Variants in INTS13 observed in about 807,000 individuals in gnomAD.
INTS13 encodes asunder, spermatogenesis regulator homolog (Drosphila).
A neutral mutation model predicts 90.2 loss-of-function variants in INTS13; 35 were observed. The ratio of observed to expected loss-of-function variants is 0.39; its 90% CI spans 0.30 to 0.51. The LOEUF is 0.51. Ranked by LOEUF, INTS13 falls within the 20% of genes least tolerant of loss-of-function variation. INTS13 has a pLI of 0.80. For missense variants in INTS13, 601 were observed against 851.2 expected (o/e 0.71, Z 3.66); for synonymous variants, 309 against 277.1 (o/e 1.11, Z -1.14).
intron 14 of INTS13, among the ~76,000 whole-genome samples, chr12:26,912,983 G>A (rs1234470054): frequency 4.6e-5 from 7 of 151,874 alleles, no homozygotes; most frequent in Admixed American, 3.9e-4. Context: ...CACCCGCCTC[G>A]GCCTCCCAAA....
chr12:26,930,704 T>C (rs1938141593), intron 3 of INTS13, among the ~76,000 whole-genome samples: 1 of 152,232 alleles, frequency 6.6e-6, no homozygotes, highest in Non-Finnish European at 1.5e-5. Flanking sequence ...ATGACTAGCA[T>C]ACCTATCCAT....
At chr12:26,919,717 A>T (rs1952052188) in intron 8 of INTS13, among the ~76,000 whole-genome samples, 1 of 152,182 alleles carries the variant, frequency 6.6e-6, no homozygotes. Context: ...AGGGCCATTC[A>T]CTGAAAAAGG....
intron 2 of INTS13, 38 bp downstream of exon 2, chr12:26,936,540 AT>A (rs1314287673): frequency 9.0e-6 from 13 of 1,450,648 alleles, no homozygotes; most frequent in Non-Finnish European, 1.2e-5. Context: ...AGTTAAGTAC[AT>A]CCCCAAAATC....
intron 3 of INTS13, among the ~76,000 whole-genome samples, chr12:26,931,341 G>C (rs1047332827): frequency 6.6e-6 from 1 of 152,094 alleles, no homozygotes; most frequent in Admixed American, 6.5e-5. Context: ...TTACTTGGGA[G>C]ACTGAGACAG....
upstream of INTS13, chr12:26,937,984 C>CGCGCGT (rs1336398276): frequency 3.3e-5 from 5 of 149,952 alleles, no homozygotes; most frequent in African/African-American, 1.3e-4. Flanking sequence ...AGAGCAGGAG[C>CGCGCGT]GCGCGTGCGC....
chr12:26,913,383 T>C (rs1951844435), intron 14 of INTS13, 74 bp downstream of exon 14: 1 of 1,013,452 alleles, frequency 9.9e-7, no homozygotes, highest in South Asian at 1.4e-5. Context: ...CAGGTTTGAA[T>C]GTATGAAAGT....
intron 10 of INTS13, 28 bp downstream of exon 10, chr12:26,917,324 G>C (rs1951967374): frequency 2.3e-6 from 2 of 872,332 alleles, no homozygotes; most frequent in African/African-American, 3.5e-5. Flanking sequence ...AATAATTTCA[G>C]TCAAAACCAT....
chr12:26,932,162 G>C (rs1020208482), intron 3 of INTS13, among the ~76,000 whole-genome samples: 1 of 151,078 alleles, frequency 6.6e-6, no homozygotes, highest in South Asian at 2.1e-4. Context: ...AGTGGAAGAA[G>C]AGACAACAAT....
At chr12:26,929,632 A>C (rs1489655070) in intron 3 of INTS13, among the ~76,000 whole-genome samples, 1 of 152,072 alleles carries the variant, frequency 6.6e-6, no homozygotes, top group African/African-American at 2.4e-5. Context: ...GCTACTTAGA[A>C]GACTGAGGCA....
chr12:26,932,371 A>C (rs1329864331), intron 3 of INTS13, among the ~76,000 whole-genome samples: 2 of 152,194 alleles, frequency 1.3e-5, no homozygotes, highest in Non-Finnish European at 2.9e-5. Context: ...GGGAAAGGCA[A>C]GATACTAAAA....
rs571098260 is a variant in INTS13 at position 26,933,215 on chromosome 12, C to T, written c.300+1341G>A. On this transcript the variant is annotated intron_variant, in intron 3 of 16. Coordinates refer to ENST00000261191, the MANE Select transcript of INTS13 (RefSeq NM_018164.3). ...ACAATGAGATGATCAGTGAGAAAAA[C>T]AGTAAGGAATTTAATGCAGGAGGTC... is the stretch of plus-strand genomic sequence containing the variant. Among the ~76,000 whole-genome samples, 19 of 152,072 alleles carry T rather than the reference C, an allele frequency of 1.2e-4. 1 individual carries two copies. The highest frequency in any genetic ancestry group is 4.3e-4 in the African/African-American group (18 of 41,498).
rs768056387 is a variant in INTS13 at position 26,913,671 on chromosome 12, T to A, written c.1591A>T (p.Ile531Phe). Residue 531 changes from isoleucine (I) to phenylalanine (F), a missense_variant, in exon 14 of 17, where the codon ATC becomes TTC. Transcript: ENST00000261191. ...KGPKRDEQYR[I>F]MWNELETLVR... ...AGGGTTTCTAATTCATTCCACATGATACGGTATTGTTCATCTCTGCAGCAA... is the reference window on the plus strand; with the variant it reads ...AGGGTTTCTAATTCATTCCACATGAAACGGTATTGTTCATCTCTGCAGCAA... 6.2e-7 allele frequency: 1 copy of A among 1,613,072 alleles called. No homozygotes were observed. Among genetic ancestry groups the A allele is most frequent in the East Asian group, 2.2e-5 (1 of 44,866 alleles).
intron 5 of INTS13, among the ~76,000 whole-genome samples, chr12:26,927,628 T>A (rs1937953812): frequency 6.6e-6 from 1 of 152,202 alleles, no homozygotes; most frequent in East Asian, 1.9e-4. Context: ...AAATTAAATT[T>A]TTTTTGAGAC....
intron 2 of INTS13, 68 bp from the exon 3 acceptor site, chr12:26,934,698 G>T: frequency 8.9e-7 from 1 of 1,128,954 alleles, no homozygotes; most frequent in Non-Finnish European, 1.3e-6. Flanking sequence ...ATATTTTCAA[G>T]TAATATGCAA....
intron 6 of INTS13, among the ~76,000 whole-genome samples, chr12:26,924,805 C>T (rs939039686): frequency 6.6e-6 from 1 of 152,036 alleles, no homozygotes; most frequent in Non-Finnish European, 1.5e-5. Flanking sequence ...ATTTTTACGT[C>T]TTTTTATCTA....
At chr12:26,912,913 T>C (rs952719351) in intron 14 of INTS13, among the ~76,000 whole-genome samples, 5 of 152,080 alleles carry the variant, frequency 3.3e-5, no homozygotes, top group Non-Finnish European at 5.9e-5. Context: ...TTTTTTTAAG[T>C]AGAGACAGGA....
intron 14 of INTS13, among the ~76,000 whole-genome samples, chr12:26,913,142 A>C (rs764037063): frequency 2.6e-5 from 4 of 152,192 alleles, no homozygotes; most frequent in Non-Finnish European, 4.4e-5. Context: ...TTTAGTGAAC[A>C]GAGGAATAAA....
intron 10 of INTS13, among the ~76,000 whole-genome samples, chr12:26,916,886 TTATTTATGATAAAGG>T (rs1353333504): frequency 6.6e-6 from 1 of 152,166 alleles, no homozygotes; most frequent in Non-Finnish European, 1.5e-5. Context: ...AACATAATAT[TTATTTATGATAAAGG>T]TATCATGTTC....
At position 26,924,406 on chromosome 12, in the gene INTS13, T is replaced by C. The variant is rs1391839041; in HGVS notation, c.753A>G (p.Val251=). Residue 251 remains valine (V), a synonymous_variant, in exon 7 of 17, where the codon GTA becomes GTG. Transcript: ENST00000261191. The stretch of plus-strand genomic sequence containing the variant: ...TTGAAGCCAAGTCAAAATGTTGCTG[T>C]ACTAAAATATTCAATTTGGTAGCAA... The part of the protein sequence containing the change: ...RHLATKLNIL[V]QQHFDLASTT... 6.2e-7 allele frequency: 1 copy of C among 1,613,530 alleles called. No individual in the cohort carries two copies. The highest frequency in any genetic ancestry group is 8.5e-7 in the Non-Finnish European group (1 of 1,179,622).
Sources: allele counts gnomAD v4.1 joint callset (sites outside exome capture counted in the v4.1 genomes callset), GRCh38; gene constraint gnomAD v4.1.1; transcripts MANE v1.5; gene names NCBI Gene and HGNC (gene_info 2026-07-23, HGNC 2026-07-21).